Variants in CPQ observed in about 807,000 individuals in gnomAD.
The protein encoded by CPQ is carboxypeptidase Q, also known as Ser-Met dipeptidase.
In CPQ, 37 loss-of-function variants were observed where a neutral mutation model predicts 45.7. That is an observed-to-expected ratio of 0.81 (90% confidence interval 0.62 to 1.07). The LOEUF is 1.07. Among genes scored for constraint, CPQ ranks in the 50% least tolerant of loss-of-function variants. CPQ has a pLI of 0.00. For synonymous variants in CPQ, 186 were observed against 205.8 expected (o/e 0.90, Z 0.82); for missense variants, 537 against 572.9 (o/e 0.94, Z 0.64).
intron 1 of CPQ, among the ~76,000 whole-genome samples, chr8:96,689,796 C>G (rs1236072094): frequency 6.6e-6 from 1 of 152,098 alleles, no homozygotes; most frequent in Non-Finnish European, 1.5e-5. Flanking sequence ...TGGCTAACAT[C>G]AAGTGTAATT....
intron 6 of CPQ, among the ~76,000 whole-genome samples, chr8:97,047,517 AC>A (rs1810279501): frequency 6.6e-6 from 1 of 152,236 alleles, no homozygotes; most frequent in African/African-American, 2.4e-5. Flanking sequence ...ATATTGTGTA[AC>A]CATGCAGACA....
At chr8:96,898,300 T>C (rs1812469167) in intron 4 of CPQ, among the ~76,000 whole-genome samples, 1 of 152,122 alleles carries the variant, frequency 6.6e-6, no homozygotes, top group South Asian at 2.1e-4. Flanking sequence ...TTCAGTGAGA[T>C]GATGTCTCTG....
At chr8:96,880,080 A>C in intron 4 of CPQ, 75 bp downstream of exon 4, 1 of 1,341,776 alleles carries the variant, frequency 7.5e-7, no homozygotes, top group Non-Finnish European at 1.1e-6. Flanking sequence ...AGTTTGGGAA[A>C]GAGAGAACGT....
chr8:96,848,974 A>G (rs1209924666), intron 3 of CPQ, among the ~76,000 whole-genome samples: 2 of 152,168 alleles, frequency 1.3e-5, no homozygotes, highest in Non-Finnish European at 2.9e-5. Context: ...CCAAATACCC[A>G]AAGTATGTCT....
intron 3 of CPQ, among the ~76,000 whole-genome samples, chr8:96,840,425 G>A (rs1433119337): frequency 6.6e-6 from 1 of 152,138 alleles, no homozygotes; most frequent in East Asian, 1.9e-4. Context: ...GGTTCTTGAA[G>A]TGTGGTCCCT....
intron 1 of CPQ, among the ~76,000 whole-genome samples, chr8:96,735,600 C>T (rs887694292): frequency 2.6e-5 from 4 of 152,196 alleles, no homozygotes; most frequent in Admixed American, 1.3e-4. Flanking sequence ...TGGGTCATGT[C>T]AACTGGCTGT....
intron 3 of CPQ, among the ~76,000 whole-genome samples, chr8:96,873,977 G>A (rs1812113321): frequency 6.6e-6 from 1 of 151,748 alleles, no homozygotes; most frequent in Non-Finnish European, 1.5e-5. Context: ...AATCAGGTGG[G>A]AAATTTCAAA....
chr8:97,067,977 G>A (rs995934321), intron 7 of CPQ, among the ~76,000 whole-genome samples: 3 of 152,134 alleles, frequency 2.0e-5, no homozygotes, highest in Non-Finnish European at 2.9e-5. Flanking sequence ...AAGCTGCTGT[G>A]TGGTAGCTGT....
At chr8:96,802,987 G>A (rs1340121379) in intron 2 of CPQ, among the ~76,000 whole-genome samples, 1 of 139,954 alleles carries the variant, frequency 7.1e-6, no homozygotes, top group East Asian at 2.0e-4. Flanking sequence ...AGAAACAGAA[G>A]CATACACACA....
At chr8:96,997,925 C>G (rs1389239599) in intron 5 of CPQ, among the ~76,000 whole-genome samples, 1 of 151,980 alleles carries the variant, frequency 6.6e-6, no homozygotes, top group Admixed American at 6.6e-5. Context: ...ATGTTTTAAC[C>G]TTTTAAAAAA....
At chr8:96,978,008 C>T (rs760572840) in intron 5 of CPQ, among the ~76,000 whole-genome samples, 19 of 152,158 alleles carry the variant, frequency 1.2e-4, no homozygotes, top group Non-Finnish European at 2.4e-4. Context: ...TTGTTCCTTT[C>T]CTTTTTTTAA....
intron 3 of CPQ, among the ~76,000 whole-genome samples, chr8:96,836,351 AT>A (rs1040511575): frequency 6.6e-6 from 1 of 152,154 alleles, no homozygotes; most frequent in African/African-American, 2.4e-5. Flanking sequence ...GGAAAGAGAC[AT>A]TTTCCTTATA....
intron 4 of CPQ, among the ~76,000 whole-genome samples, chr8:96,881,668 G>A (rs1046019328): frequency 2.6e-5 from 4 of 152,268 alleles, no homozygotes; most frequent in Middle Eastern, 3.4e-3. Context: ...TCAGACCCAG[G>A]ATCTTGTGAA....
At chr8:96,941,840 G>A (rs187147314) in intron 4 of CPQ, among the ~76,000 whole-genome samples, 49 of 152,178 alleles carry the variant, frequency 3.2e-4, no homozygotes, top group East Asian at 1.2e-3. Context: ...TACATACTGC[G>A]TTGTTAAGTC....
intron 1 of CPQ, among the ~76,000 whole-genome samples, chr8:96,702,448 C>T (rs113189078): frequency 0.024 from 3,694 of 152,250 alleles, 167 homozygotes; most frequent in African/African-American, 0.084. Flanking sequence ...GCTGAATCCT[C>T]TTCTGTATCC....
intron 5 of CPQ, among the ~76,000 whole-genome samples, chr8:96,971,981 T>C (rs1035457758): frequency 6.6e-6 from 1 of 152,156 alleles, no homozygotes; most frequent in Non-Finnish European, 1.5e-5. Flanking sequence ...CAAGAACATA[T>C]CAGGAAAGCC....
At chr8:96,761,048 A>G (rs760677765) in intron 1 of CPQ, 2 of 152,178 alleles carry the variant, frequency 1.3e-5, no homozygotes, top group Non-Finnish European at 2.9e-5. Context: ...CTGAAACTTC[A>G]TAGGGAATAA....
intron 4 of CPQ, among the ~76,000 whole-genome samples, chr8:96,900,733 C>A (rs1008625591): frequency 6.6e-6 from 1 of 152,128 alleles, no homozygotes; most frequent in African/African-American, 2.4e-5. Context: ...TGGACGGGAA[C>A]TTAATAGTTG....
intron 4 of CPQ, among the ~76,000 whole-genome samples, chr8:96,891,734 G>A (rs1291962713): frequency 6.6e-6 from 1 of 152,050 alleles, no homozygotes; most frequent in Non-Finnish European, 1.5e-5. Flanking sequence ...ATCAAATATT[G>A]TCAAATTGCC....
Sources: allele counts gnomAD v4.1 joint callset (sites outside exome capture counted in the v4.1 genomes callset), GRCh38; gene constraint gnomAD v4.1.1; transcripts MANE v1.5; gene names NCBI Gene and HGNC (gene_info 2026-07-23, HGNC 2026-07-21).